The following HCN1 variants were observed in gnomAD, a reference collection of about 807,000 sequenced individuals.
HCN1 encodes hyperpolarization activated cyclic nucleotide gated potassium channel 1, also known as potassium/sodium hyperpolarization-activated cyclic nucleotide-gated channel 1.
In HCN1, 13 loss-of-function variants were observed where a neutral mutation model predicts 78.9. The observed-to-expected ratio is 0.16, with a 90% CI of 0.11 to 0.26. The LOEUF (loss-of-function observed/expected upper bound fraction) is 0.26, where lower values mean the gene tolerates loss of function less well. Ranked by LOEUF, HCN1 falls within the 10% of genes least tolerant of loss-of-function variation. The pLI, the probability that HCN1 is intolerant of heterozygous loss-of-function variation, is 1.00. For synonymous variants in HCN1, 552 were observed against 455.5 expected, an observed-to-expected ratio of 1.21 and a Z score of -2.70; for missense variants, 810 against 1,154.3, an observed-to-expected ratio of 0.70 and a Z score of 4.32.
chr5:45,490,524 G>T (rs541073573), intron 2 of HCN1, among the ~76,000 whole-genome samples: 5 of 152,192 alleles, frequency 3.3e-5, no homozygotes, highest in African/African-American at 1.2e-4. Context: ...CCCAGAAATA[G>T]ATAAAATGTG....
chr5:45,486,807 A>G (rs139781352), intron 2 of HCN1, among the ~76,000 whole-genome samples: 37 of 152,236 alleles, frequency 2.4e-4, no homozygotes, highest in African/African-American at 7.2e-4. Context: ...ACCTAAGTCT[A>G]TGTATGCAAT....
intron 2 of HCN1, among the ~76,000 whole-genome samples, chr5:45,613,385 A>G (rs1029358175): frequency 2.0e-5 from 3 of 152,062 alleles, no homozygotes; most frequent in Admixed American, 6.6e-5. Context: ...GTGCCACATC[A>G]GAGAAATGCA....
chr5:45,666,209 G>A (rs1746045277), intron 1 of HCN1, among the ~76,000 whole-genome samples: 2 of 152,010 alleles, frequency 1.3e-5, no homozygotes, highest in Non-Finnish European at 2.9e-5. Context: ...AAATGAGGGG[G>A]TGGCAAACCG....
chr5:45,313,261 G>A (rs1357577555), intron 5 of HCN1, among the ~76,000 whole-genome samples: 2 of 152,152 alleles, frequency 1.3e-5, no homozygotes, highest in Non-Finnish European at 2.9e-5. Context: ...AACAGGGTCT[G>A]GAGTGAACCT....
intron 1 of HCN1, among the ~76,000 whole-genome samples, chr5:45,671,848 T>C (rs967935273): frequency 5.9e-5 from 9 of 151,660 alleles, no homozygotes; most frequent in African/African-American, 2.2e-4. Flanking sequence ...GTTATTGTTA[T>C]ATTTAAGGAC....
At chr5:45,687,450 T>C (rs1316343090) in intron 1 of HCN1, among the ~76,000 whole-genome samples, 2 of 152,156 alleles carry the variant, frequency 1.3e-5, no homozygotes, top group East Asian at 1.9e-4. Flanking sequence ...TATTCCCTTT[T>C]GTCTTTTTGT....
At chr5:45,579,914 T>G (rs997885728) in intron 2 of HCN1, among the ~76,000 whole-genome samples, 5 of 152,226 alleles carry the variant, frequency 3.3e-5, no homozygotes, top group African/African-American at 1.2e-4. Flanking sequence ...CCTCTAAATG[T>G]TGACATGTTA....
Position 45,261,608 on chromosome 5 carries a change from C to G in HCN1, c.*313G>C, listed in dbSNP as rs569713931. ...TCATAAAATAGAGAAATATACATAT[C>G]AAAGGACTTAAGTAAAAGTAGGTTA... On this transcript the variant is annotated 3_prime_UTR_variant, in exon 8 of 8. Coordinates refer to ENST00000303230, the MANE Select transcript of HCN1 (RefSeq NM_021072.4). 14 of 205,528 alleles carry G rather than the reference C, an allele frequency of 6.8e-5. No homozygotes were observed. Among genetic ancestry groups the G allele is most frequent in the Non-Finnish European group, 1.2e-4 (12 of 100,336 alleles). The allele number at this position is 205,528 out of a possible 1,614,324, so 12.7% of individuals were successfully genotyped here.
At chr5:45,432,063 A>G (rs989228505) in intron 3 of HCN1, among the ~76,000 whole-genome samples, 2 of 152,306 alleles carry the variant, frequency 1.3e-5, no homozygotes, top group East Asian at 3.9e-4. Context: ...TTTCCTATCC[A>G]TGAGCGTATA....
Position 45,695,752 on chromosome 5 carries a change from A to G in HCN1, c.342T>C (p.Phe114=). The G allele has an allele frequency of 6.2e-7, 1 of 1,612,466 alleles. No homozygotes were observed. The highest frequency in any genetic ancestry group is 1.3e-5 in the African/African-American group (1 of 75,004). The stretch of plus-strand genomic sequence containing the variant: ...CCTTTTCCACCGCCTTCTGGCTCCC[A>G]AACATGCGGAGGGAGAATTTGTTGA... ...PGVNKFSLRM[F]GSQKAVEKEQ... The change falls in exon 1 of 8, where the codon TTT becomes TTC. Residue 114 remains phenylalanine, a synonymous_variant. Transcript: ENST00000303230.
At chr5:45,475,536 A>C (rs2111661533) in intron 2 of HCN1, among the ~76,000 whole-genome samples, 1 of 152,220 alleles carries the variant, frequency 6.6e-6, no homozygotes, top group South Asian at 2.1e-4. Flanking sequence ...ATCTGAATGT[A>C]TTCCTATTGA....
intron 3 of HCN1, among the ~76,000 whole-genome samples, chr5:45,414,823 G>C (rs1245412263): frequency 6.6e-6 from 1 of 151,940 alleles, no homozygotes; most frequent in Non-Finnish European, 1.5e-5. Flanking sequence ...CACTTGATTT[G>C]AGACTATCTT....
At chr5:45,311,979 A>T (rs1045311451) in intron 5 of HCN1, among the ~76,000 whole-genome samples, 1 of 152,252 alleles carries the variant, frequency 6.6e-6, no homozygotes, top group African/African-American at 2.4e-5. Flanking sequence ...AGTAAGAAAA[A>T]ATCTTTGTTG....
chr5:45,598,788 A>T (rs1744561155), intron 2 of HCN1, among the ~76,000 whole-genome samples: 1 of 152,214 alleles, frequency 6.6e-6, no homozygotes, highest in African/African-American at 2.4e-5. Context: ...GAAGACATTT[A>T]TGTAGCCAAC....
chr5:45,353,270 T>A (rs770750426), intron 4 of HCN1, 24 bp from the exon 5 acceptor site: 87 of 1,538,376 alleles, frequency 5.7e-5, no homozygotes, highest in East Asian at 4.8e-4. Flanking sequence ...AAAATAAAAT[T>A]AAAAAAAAAC....
intron 4 of HCN1, among the ~76,000 whole-genome samples, chr5:45,357,636 A>G (rs1258820090): frequency 1.3e-5 from 2 of 152,056 alleles, no homozygotes; most frequent in East Asian, 3.9e-4. Flanking sequence ...CTAAATGTGA[A>G]TTCAAAATTA....
At chr5:45,508,759 T>C (rs574618243) in intron 2 of HCN1, among the ~76,000 whole-genome samples, 1 of 152,252 alleles carries the variant, frequency 6.6e-6, no homozygotes, top group African/African-American at 2.4e-5. Context: ...TTATGATAGA[T>C]ACATTTGAAA....
intron 2 of HCN1, among the ~76,000 whole-genome samples, chr5:45,549,557 T>G (rs868407494): frequency 1.3e-5 from 2 of 152,152 alleles, no homozygotes; most frequent in African/African-American, 4.8e-5. Context: ...GAAGAAAACC[T>G]GTGCAATACC....
intron 2 of HCN1, among the ~76,000 whole-genome samples, chr5:45,504,720 T>G (rs1326069504): frequency 2.0e-5 from 3 of 152,194 alleles, no homozygotes; most frequent in East Asian, 1.9e-4. Context: ...CCACCAACAG[T>G]GTAAAAGTGT....
Sources: gnomAD v4.1 joint callset for allele counts (sites outside exome capture counted in the v4.1 genomes callset) on GRCh38, gnomAD v4.1.1 for gene constraint, MANE v1.5 for transcripts, NCBI Gene and HGNC (gene_info 2026-07-23, HGNC 2026-07-21) for gene names.